MTUS2: variants seen among roughly 807,000 people sequenced by gnomAD.
The protein encoded by MTUS2 is microtubule associated scaffold protein 2, also known as microtubule-associated tumor suppressor candidate 2.
In MTUS2, 40 loss-of-function variants were observed where a neutral mutation model predicts 114.1. The ratio of observed to expected loss-of-function variants is 0.35; its 90% CI spans 0.27 to 0.46. MTUS2 has a LOEUF of 0.46. Among genes scored for constraint, MTUS2 ranks in the 20% least tolerant of loss-of-function variants. The probability of loss-of-function intolerance (pLI) is 1.00; values close to 1 mark genes in which losing one functional copy is unlikely to be tolerated. For missense variants in MTUS2, 1,679 were observed against 1,705.4 expected (o/e 0.98, Z 0.27); for synonymous variants, 688 against 672.0 (o/e 1.02, Z -0.37).
At chr13:29,282,773 G>T (rs1015809173) in intron 6 of MTUS2, among the ~76,000 whole-genome samples, 1 of 151,958 alleles carries the variant, frequency 6.6e-6, no homozygotes, top group Non-Finnish European at 1.5e-5. Context: ...TAAACATACG[G>T]GTTTTATAGG....
chr13:28,901,572 T>C (rs948072189), intron 2 of MTUS2, among the ~76,000 whole-genome samples: 12 of 152,220 alleles, frequency 7.9e-5, no homozygotes, highest in Non-Finnish European at 1.3e-4. Context: ...TTCTTTCTTA[T>C]GCCTATTGAT....
At chr13:29,285,147 C>T (rs1267745565) in intron 6 of MTUS2, among the ~76,000 whole-genome samples, 1 of 143,062 alleles carries the variant, frequency 7.0e-6, no homozygotes, top group African/African-American at 2.6e-5. Context: ...TTAGTATTTA[C>T]AATGGATGAA....
chr13:29,309,342 A>T (rs1230822845), intron 6 of MTUS2, among the ~76,000 whole-genome samples: 5 of 152,074 alleles, frequency 3.3e-5, no homozygotes, highest in Non-Finnish European at 4.4e-5. Flanking sequence ...AGAAAACCAA[A>T]CACCACATGT....
intron 2 of MTUS2, among the ~76,000 whole-genome samples, chr13:28,979,360 A>G (rs555469433): frequency 6.6e-6 from 1 of 152,334 alleles, no homozygotes; most frequent in South Asian, 2.1e-4. Context: ...AACAAAAATT[A>G]TTGAAAATTA....
chr13:29,400,015 A>T (rs1216986189), intron 8 of MTUS2, among the ~76,000 whole-genome samples: 1 of 152,238 alleles, frequency 6.6e-6, no homozygotes. Context: ...AAGGAGAAGC[A>T]GATAGGCTGA....
intron 4 of MTUS2, among the ~76,000 whole-genome samples, chr13:29,097,541 CA>C (rs1209621632): frequency 6.6e-6 from 1 of 152,182 alleles, no homozygotes; most frequent in Non-Finnish European, 1.5e-5. Flanking sequence ...TACTTGGAAA[CA>C]TATATTCCTC....
intron 8 of MTUS2, among the ~76,000 whole-genome samples, chr13:29,431,646 T>A (rs1207990459): frequency 6.6e-6 from 1 of 152,164 alleles, no homozygotes; most frequent in Non-Finnish European, 1.5e-5. Flanking sequence ...CTTTGAAGAA[T>A]GGGTGGAATT....
intron 2 of MTUS2, among the ~76,000 whole-genome samples, chr13:28,967,611 C>G (rs559939531): frequency 6.6e-6 from 1 of 152,312 alleles, no homozygotes; most frequent in African/African-American, 2.4e-5. Flanking sequence ...ACCAAAAGTA[C>G]TGTCTGCTTG....
chr13:29,157,950 T>C (rs943266288), intron 5 of MTUS2, among the ~76,000 whole-genome samples: 2 of 152,086 alleles, frequency 1.3e-5, no homozygotes, highest in African/African-American at 2.4e-5. Flanking sequence ...CGTGACAAAA[T>C]AGAAATGGAG....
intron 6 of MTUS2, among the ~76,000 whole-genome samples, chr13:29,308,677 G>A (rs1321575333): frequency 2.6e-5 from 4 of 152,020 alleles, no homozygotes; most frequent in Non-Finnish European, 5.9e-5. Context: ...AATATCCAGA[G>A]TCTACAAGGA....
chr13:29,283,710 A>G (rs1414795988), intron 6 of MTUS2, among the ~76,000 whole-genome samples: 2 of 152,206 alleles, frequency 1.3e-5, no homozygotes, highest in African/African-American at 2.4e-5. Context: ...TGGTGCCTCT[A>G]GACTAGGGAT....
intron 5 of MTUS2, among the ~76,000 whole-genome samples, chr13:29,136,882 G>A (rs1892001599): frequency 6.6e-6 from 1 of 152,196 alleles, no homozygotes; most frequent in South Asian, 2.1e-4. Context: ...CATCTGATAT[G>A]GGAACCAGTC....
intron 2 of MTUS2, among the ~76,000 whole-genome samples, chr13:28,995,574 A>C (rs1033808266): frequency 2.5e-4 from 38 of 151,912 alleles, no homozygotes; most frequent in Non-Finnish European, 4.6e-4. Context: ...CTTTTATTTC[A>C]TTGAGCAGTG....
intron 8 of MTUS2, among the ~76,000 whole-genome samples, chr13:29,417,484 C>T (rs1875751325): frequency 6.6e-6 from 1 of 151,964 alleles, no homozygotes; most frequent in African/African-American, 2.4e-5. Context: ...TCCCTGTGAC[C>T]TTTGGTATTC....
At chr13:29,448,667 C>G (rs1203785392) in intron 9 of MTUS2, among the ~76,000 whole-genome samples, 2 of 151,020 alleles carry the variant, frequency 1.3e-5, no homozygotes, top group Admixed American at 6.6e-5. Flanking sequence ...CTTCTGAGTT[C>G]AGATTTAAGA....
chr13:29,191,394 G>C (rs1894443831), intron 5 of MTUS2, among the ~76,000 whole-genome samples: 1 of 152,124 alleles, frequency 6.6e-6, no homozygotes, highest in African/African-American at 2.4e-5. Context: ...AGAAGCAGTT[G>C]TGCAGTCAGA....
intron 5 of MTUS2, among the ~76,000 whole-genome samples, chr13:29,234,621 C>CT (rs1331880751): frequency 1.3e-5 from 2 of 152,114 alleles, no homozygotes; most frequent in Non-Finnish European, 2.9e-5. Flanking sequence ...AAAAAAACTC[C>CT]TTTTTTTCTG....
chr13:29,492,113 G>T (rs887711279), intron 11 of MTUS2, among the ~76,000 whole-genome samples: 2 of 140,576 alleles, frequency 1.4e-5, no homozygotes, highest in Non-Finnish European at 3.0e-5. Flanking sequence ...GTATGTGTGT[G>T]GTGTGTGTGT....
chr13:29,455,528 T>C (rs919676451), intron 9 of MTUS2, among the ~76,000 whole-genome samples: 2 of 152,114 alleles, frequency 1.3e-5, no homozygotes, highest in Admixed American at 1.3e-4. Context: ...ATCCAGTAAG[T>C]TAACTGCCTG....
Sources: gnomAD v4.1 joint callset for allele counts (sites outside exome capture counted in the v4.1 genomes callset) on GRCh38, gnomAD v4.1.1 for gene constraint, MANE v1.5 for transcripts, NCBI Gene and HGNC (gene_info 2026-07-23, HGNC 2026-07-21) for gene names.